Variants in CHRNA7 observed in about 807,000 individuals in gnomAD.
CHRNA7 encodes cholinergic receptor nicotinic alpha 7 subunit.
In CHRNA7, 17 loss-of-function variants were observed where a neutral mutation model predicts 48.0. That is an observed-to-expected ratio of 0.35 (90% confidence interval 0.24 to 0.53). The LOEUF is 0.53. CHRNA7 is among the 20% of genes least tolerant of loss of function. The probability of loss-of-function intolerance (pLI) is 0.92; values close to 1 mark genes in which losing one functional copy is unlikely to be tolerated. For missense variants in CHRNA7, 155 were observed against 577.7 expected (o/e 0.27, Z 7.50); for synonymous variants, 75 against 242.3 (o/e 0.31, Z 6.41).
chr15:32,032,396 G>A (rs1566789807), intron 2 of CHRNA7, among the ~76,000 whole-genome samples: 1 of 152,104 alleles, frequency 6.6e-6, no homozygotes, highest in East Asian at 1.9e-4. Flanking sequence ...CTGGATGGCT[G>A]CTGTTAGGTA....
intron 4 of CHRNA7, among the ~76,000 whole-genome samples, chr15:32,114,103 TACAC>T (rs1487689702): frequency 7.1e-6 from 1 of 141,472 alleles, no homozygotes; most frequent in African/African-American, 2.6e-5. Context: ...CACACACATA[TACAC>T]ACACACATAC....
At chr15:32,110,462 G>A (rs2050744860) in intron 3 of CHRNA7, among the ~76,000 whole-genome samples, 1 of 152,134 alleles carries the variant, frequency 6.6e-6, no homozygotes, top group Non-Finnish European at 1.5e-5. Flanking sequence ...ATTCCTGGAG[G>A]TCCCTGGCTG....
intron 4 of CHRNA7, among the ~76,000 whole-genome samples, chr15:32,124,654 C>T (rs954977323): frequency 6.6e-6 from 1 of 150,818 alleles, no homozygotes; most frequent in Non-Finnish European, 1.5e-5. Flanking sequence ...GAATCCACCT[C>T]AAAGTCAGAG....
chr15:32,066,419 T>A (rs549992632), intron 2 of CHRNA7, among the ~76,000 whole-genome samples: 1 of 152,214 alleles, frequency 6.6e-6, no homozygotes, highest in South Asian at 2.1e-4. Flanking sequence ...GTAGCTGGGA[T>A]TACAGGCATG....
chr15:32,071,590 G>T (rs1162889819), intron 2 of CHRNA7, among the ~76,000 whole-genome samples: 1 of 152,120 alleles, frequency 6.6e-6, no homozygotes, highest in East Asian at 1.9e-4. Context: ...GATGATTGGA[G>T]CAGATCCCTC....
chr15:32,078,408 T>G (rs933591991), intron 2 of CHRNA7, among the ~76,000 whole-genome samples: 1 of 152,182 alleles, frequency 6.6e-6, no homozygotes, highest in Non-Finnish European at 1.5e-5. Context: ...GATGTAAGGT[T>G]GTATCTACAT....
chr15:32,122,987 T>G (rs1469247401), intron 4 of CHRNA7, among the ~76,000 whole-genome samples: 2 of 152,178 alleles, frequency 1.3e-5, no homozygotes, highest in African/African-American at 4.8e-5. Flanking sequence ...AATATTTTGT[T>G]GAACTGAACT....
intron 2 of CHRNA7, among the ~76,000 whole-genome samples, chr15:32,087,995 A>G (rs2050325548): frequency 6.6e-6 from 1 of 152,222 alleles, no homozygotes; most frequent in Non-Finnish European, 1.5e-5. Context: ...TCTTTGTATT[A>G]TAAAGTTCTA....
At chr15:32,106,131 C>A (rs12898914) in intron 3 of CHRNA7, among the ~76,000 whole-genome samples, 483 of 152,160 alleles carry the variant, frequency 3.2e-3, no homozygotes, top group Middle Eastern at 0.014. Flanking sequence ...TGACCCAGCA[C>A]GATAATGGAC....
intron 2 of CHRNA7, among the ~76,000 whole-genome samples, chr15:32,064,301 T>C (rs1422629681): frequency 2.0e-5 from 3 of 152,150 alleles, no homozygotes; most frequent in African/African-American, 7.2e-5. Flanking sequence ...GCTGCTTCAT[T>C]TTCTTCCTGC....
intron 4 of CHRNA7, among the ~76,000 whole-genome samples, chr15:32,148,685 G>A (rs2051546194): frequency 6.6e-6 from 1 of 152,212 alleles, no homozygotes; most frequent in Non-Finnish European, 1.5e-5. Context: ...ATAAGGATTG[G>A]GCTTCTGAAT....
Position 32,114,143 on chromosome 15 carries a change from CAGAG to C in CHRNA7, c.350+2259_350+2262del, listed in dbSNP as rs146334906. On this transcript the variant is annotated intron_variant, in intron 4 of 9. Coordinates refer to ENST00000306901, the MANE Select transcript of CHRNA7 (RefSeq NM_000746.6). ...ATACATATACATACACACACACACA[CAGAG>C]AGAGAGAGAGAGAGCACCCCACCAT... 1.3e-3 allele frequency among the ~76,000 whole-genome samples: 189 copies of C among 143,004 alleles called. 1 individual carries two copies. The South Asian group carries it at 0.015, about 11-fold the overall frequency. The allele number at this position is 143,004 out of a possible 152,430, so 93.8% of individuals were successfully genotyped here. A position where few individuals can be genotyped will look rare whatever the true frequency, so the allele number is the denominator to read the frequency against.
At chr15:32,130,564 G>A (rs767035989) in intron 4 of CHRNA7, among the ~76,000 whole-genome samples, 9 of 149,224 alleles carry the variant, frequency 6.0e-5, no homozygotes, top group East Asian at 1.9e-4. Context: ...TATATTCTTC[G>A]TTTTTTCTTT....
At chr15:32,150,101 G>A (rs1595504986) in intron 4 of CHRNA7, among the ~76,000 whole-genome samples, 1 of 151,836 alleles carries the variant, frequency 6.6e-6, no homozygotes, top group Non-Finnish European at 1.5e-5. Flanking sequence ...TCCTAGGCTG[G>A]AGGACAGTGG....
At chr15:32,074,129 G>T (rs71476582) in intron 2 of CHRNA7, among the ~76,000 whole-genome samples, 5,553 of 151,360 alleles carry the variant, frequency 0.037, 135 homozygotes, top group Middle Eastern at 0.092. Context: ...CATTGCTGGT[G>T]TATATAAATC....
intron 4 of CHRNA7, among the ~76,000 whole-genome samples, chr15:32,114,019 AAT>A (rs57220454): frequency 0.31 from 33,363 of 108,768 alleles, 5,431 homozygotes; most frequent in East Asian, 0.54. Context: ...GCTATCTCCA[AAT>A]ATATATATAT....
chr15:32,117,300 T>C (rs1180555002), intron 4 of CHRNA7, among the ~76,000 whole-genome samples: 1 of 152,170 alleles, frequency 6.6e-6, no homozygotes, highest in Non-Finnish European at 1.5e-5. Context: ...CTGCCTTCCA[T>C]CATAGGCTGA....
intron 4 of CHRNA7, among the ~76,000 whole-genome samples, chr15:32,114,982 C>T (rs958589448): frequency 1.3e-5 from 2 of 152,248 alleles, no homozygotes; most frequent in Non-Finnish European, 2.9e-5. Flanking sequence ...TGCACCCACC[C>T]CTTCTGGGCC....
intron 2 of CHRNA7, among the ~76,000 whole-genome samples, chr15:32,087,576 G>GT (rs1450564902): frequency 6.6e-6 from 1 of 152,214 alleles, no homozygotes; most frequent in Non-Finnish European, 1.5e-5. Flanking sequence ...AGAAATATCT[G>GT]TAAGTATTTC....
Sources: allele counts gnomAD v4.1 joint callset (sites outside exome capture counted in the v4.1 genomes callset), GRCh38; gene constraint gnomAD v4.1.1; transcripts MANE v1.5; gene names NCBI Gene and HGNC (gene_info 2026-07-23, HGNC 2026-07-21).